Variants in INSL6 observed in about 807,000 individuals in gnomAD.
INSL6 encodes insulin like 6.
Under a neutral mutation model 9.4 loss-of-function variants are expected in INSL6, and 16 were observed. The observed-to-expected ratio is 1.70, with a 90% CI of 1.15 to 2.59. INSL6 has a LOEUF of 2.59. Among genes scored for constraint, INSL6 ranks in the 30% most tolerant of loss-of-function variants. The probability of loss-of-function intolerance (pLI) is 0.00; values close to 1 mark genes in which losing one functional copy is unlikely to be tolerated. For synonymous variants in INSL6, 154 were observed against 96.9 expected, an observed-to-expected ratio of 1.59 and a Z score of -3.46; for missense variants, 391 against 257.3, an observed-to-expected ratio of 1.52 and a Z score of -3.56.
At chr9:5,131,657 C>G (rs910058873) in intron 3 of INSL6, among the ~76,000 whole-genome samples, 1 of 152,032 alleles carries the variant, frequency 6.6e-6, no homozygotes, top group African/African-American at 2.4e-5. Context: ...TCAGTCTGGT[C>G]TTGAACTCCT....
chr9:5,095,294 G>A, the INSL6 span, among the ~76,000 whole-genome samples: 98 of 151,892 alleles, frequency 6.5e-4, no homozygotes, highest in Middle Eastern at 3.4e-3. Context: ...ACAATGCTAC[G>A]CTCACACTGA....
rs745317622 is a variant in INSL6 at position 5,185,427 on chromosome 9, G to A, written c.176C>T (p.Thr59Ile). 521 of 1,614,068 alleles carry A rather than the reference G, an allele frequency of 3.2e-4. No homozygotes were observed. Among genetic ancestry groups the A allele is most frequent in the Non-Finnish European group, 4.2e-4 (493 of 1,180,052 alleles). ...CTGTGCAATCAACCGTGAGAAAGGGGTTTCCTCCTCGAAACGGAACTGGCT... is the reference window on the plus strand; with the variant it reads ...CTGTGCAATCAACCGTGAGAAAGGGATTTCCTCCTCGAAACGGAACTGGCT... ...NWSQFRFEEE[T>I]PFSRLIAQAS... is the part of the protein sequence containing the mutation. Residue 59 changes from threonine (T) to isoleucine (I), a missense_variant, in exon 1 of 2, where the codon ACC (threonine) becomes ATC (isoleucine). Physicochemically the swap from Thr to Ile is moderately conservative, Grantham distance 89. Coordinates refer to ENST00000381641, the MANE Select transcript of INSL6 (RefSeq NM_007179.3).
the INSL6 span, chr9:5,068,966 C>T: frequency 1.0e-6 from 1 of 963,676 alleles, no homozygotes; most frequent in African/African-American, 1.7e-5. Context: ...TCAGAATAAT[C>T]ACTGTGATGT....
At chr9:5,126,562 C>G in intron 3 of INSL6, 1 of 928,214 alleles carries the variant, frequency 1.1e-6, no homozygotes, top group African/African-American at 1.7e-5. Flanking sequence ...ACAGCATAAT[C>G]AGATGACTGT....
At chr9:5,160,118 G>A (rs1250069378), downstream of INSL6, among the ~76,000 whole-genome samples, 1 of 149,388 alleles carries the variant, frequency 6.7e-6, no homozygotes, top group African/African-American at 2.5e-5. Flanking sequence ...GGAGGTTGCA[G>A]TGAGCTGAGA....
chr9:5,147,394 A>G (rs1824621173), intron 2 of INSL6, among the ~76,000 whole-genome samples: 1 of 152,212 alleles, frequency 6.6e-6, no homozygotes, highest in African/African-American at 2.4e-5. Flanking sequence ...TTCCAAGGGT[A>G]GCAAGGAAGG....
chr9:5,117,424 G>C, the INSL6 span, among the ~76,000 whole-genome samples: 5 of 152,064 alleles, frequency 3.3e-5, no homozygotes, highest in Non-Finnish European at 5.9e-5. Context: ...GAAAGTGTGG[G>C]GACTTTAGGG....
rs143891957 is a variant in INSL6 at position 5,168,313 on chromosome 9, A to C, written c.290-4048T>G. 8.4e-3 allele frequency among the ~76,000 whole-genome samples: 1,283 copies of C among 152,348 alleles called. 19 individuals carry two copies. The highest frequency in any genetic ancestry group is 0.029 in the African/African-American group (1,214 of 41,592). ...GAGTATGTTCAAACTTGTTGCAAAG[A>C]AGCTAAGAACCATAATAAAACATTA... On this transcript the variant is annotated intron_variant, in intron 1 of 1. Coordinates refer to ENST00000381641, the MANE Select transcript of INSL6 (RefSeq NM_007179.3).
chr9:5,087,619 T>C, the INSL6 span, among the ~76,000 whole-genome samples: 1 of 152,236 alleles, frequency 6.6e-6, no homozygotes, highest in Non-Finnish European at 1.5e-5. Context: ...GACTGATTTT[T>C]GCCTATCAAA....
chr9:5,053,169 T>C, the INSL6 span, among the ~76,000 whole-genome samples: 1 of 152,082 alleles, frequency 6.6e-6, no homozygotes, highest in Non-Finnish European at 1.5e-5. Flanking sequence ...TTATCCATCC[T>C]AGTGGGTGGA....
rs1261289548 is a variant in INSL6, at chr9:5,164,036, T to G, written c.519A>C (p.Gly173=). The G allele has an allele frequency of 1.2e-6, 2 of 1,613,600 alleles. No individual in the cohort carries two copies. Among genetic ancestry groups the G allele is most frequent in the Non-Finnish European group, 1.7e-6 (2 of 1,179,838 alleles). The stretch of plus-strand genomic sequence containing the variant: ...CTGTAAGACAACACTTTTCTGAATA[T>G]CCTCTGCGTTTTCTTTGGGGATGAT... ...WGHHPQRKRR[G]YSEKCCLTGC... is the part of the protein sequence containing the mutation. The change falls in exon 2 of 2, where the codon GGA becomes GGC. Residue 173 remains glycine (G), a synonymous_variant. Coordinates refer to ENST00000381641, the MANE Select transcript of INSL6 (RefSeq NM_007179.3).
the INSL6 span, among the ~76,000 whole-genome samples, chr9:5,027,470 G>C: frequency 6.6e-6 from 1 of 152,278 alleles, no homozygotes; most frequent in Non-Finnish European, 1.5e-5. Context: ...GTCTTGCCTT[G>C]ATGTTGATGG....
the INSL6 span, among the ~76,000 whole-genome samples, chr9:5,030,218 G>A: frequency 9.9e-5 from 15 of 152,262 alleles, no homozygotes; most frequent in South Asian, 8.3e-4. Context: ...TTGGGATATT[G>A]CTGGTTTGTG....
At chr9:5,045,674 C>T in the INSL6 span, among the ~76,000 whole-genome samples, 17 of 152,168 alleles carry the variant, frequency 1.1e-4, no homozygotes, top group African/African-American at 3.9e-4. Context: ...TAGCATTTGT[C>T]CTTTTTTGAC....
At chr9:5,070,102 ATC>A in the INSL6 span, 1 of 1,343,470 alleles carries the variant, frequency 7.4e-7, no homozygotes, top group Non-Finnish European at 1.0e-6. Context: ...TTAAAACAAC[ATC>A]TGTTTTCTTG....
chr9:5,049,014 C>T, the INSL6 span, among the ~76,000 whole-genome samples: 302 of 152,212 alleles, frequency 2.0e-3, 1 homozygote, highest in African/African-American at 6.9e-3. Context: ...TTCCTAAATC[C>T]TCCAGGTCAA....
chr9:5,091,881 G>T, the INSL6 span, among the ~76,000 whole-genome samples: 4 of 152,042 alleles, frequency 2.6e-5, no homozygotes, highest in African/African-American at 9.7e-5. Context: ...GCTAGTAAGA[G>T]ACCTAGGGTG....
At chr9:5,174,119 A>G (rs560924834) in intron 1 of INSL6, among the ~76,000 whole-genome samples, 33 of 152,294 alleles carry the variant, frequency 2.2e-4, no homozygotes, top group African/African-American at 7.5e-4. Flanking sequence ...CCTTCTCCGC[A>G]TTCTTCATCA....
the INSL6 span, among the ~76,000 whole-genome samples, chr9:5,105,430 G>C: frequency 1.3e-5 from 2 of 152,148 alleles, no homozygotes; most frequent in Admixed American, 6.6e-5. Flanking sequence ...CAAACAAATG[G>C]AAGAACATTC....
Sources: gnomAD v4.1 joint callset for allele counts (sites outside exome capture counted in the v4.1 genomes callset) on GRCh38, gnomAD v4.1.1 for gene constraint, MANE v1.5 for transcripts, NCBI Gene and HGNC (gene_info 2026-07-23, HGNC 2026-07-21) for gene names.